The following NSMAF variants were observed in gnomAD, a reference collection of about 807,000 sequenced individuals.
NSMAF encodes the protein neutral sphingomyelinase activation associated factor, also known as protein FAN.
Under a neutral mutation model 134.9 loss-of-function variants are expected in NSMAF, and 90 were observed. That is an observed-to-expected ratio of 0.67 (90% CI 0.56 to 0.79). The LOEUF (loss-of-function observed/expected upper bound fraction) is 0.79, where lower values mean the gene tolerates loss of function less well. Among genes scored for constraint, NSMAF ranks in the 30% least tolerant of loss-of-function variants. The pLI is 0.00. For missense variants in NSMAF, 1,010 were observed against 1,119.0 expected (o/e 0.90, Z 1.39); for synonymous variants, 358 against 389.6 (o/e 0.92, Z 0.96).
In NSMAF at chr8:58,635,450, T is replaced by C. The variant is rs1282039094; in HGVS notation, c.228+18A>G. 4 of 1,581,914 alleles carry C rather than the reference T, an allele frequency of 2.5e-6. No individual in the cohort carries two copies. Among genetic ancestry groups the C allele is most frequent in the Non-Finnish European group, 3.4e-6 (4 of 1,161,980 alleles). On this transcript the variant is annotated intron_variant, in intron 3 of 30. Transcript: ENST00000038176. ...CAAAAAATAGGAATGTTTCTGTTCATATTTAAAATGTATTTACCTTGATGA... is the reference window on the plus strand; with the variant it reads ...CAAAAAATAGGAATGTTTCTGTTCACATTTAAAATGTATTTACCTTGATGA...
chr8:58,591,345 C>T (rs542695934), intron 23 of NSMAF, among the ~76,000 whole-genome samples: 1 of 151,998 alleles, frequency 6.6e-6, no homozygotes, highest in African/African-American at 2.4e-5. Flanking sequence ...AAAAAAACTG[C>T]CCAATTATAT....
chr8:58,653,568 C>T (rs1807634862), intron 1 of NSMAF, among the ~76,000 whole-genome samples: 1 of 151,292 alleles, frequency 6.6e-6, no homozygotes, highest in African/African-American at 2.4e-5. Flanking sequence ...AAAAAAATTA[C>T]TAGAAGTAAA....
chr8:58,595,683 T>C (rs1003030406), intron 21 of NSMAF, 24 bp from the exon 22 acceptor site: 10 of 1,518,632 alleles, frequency 6.6e-6, no homozygotes, highest in African/African-American at 1.4e-5. Context: ...ATTAAATTTT[T>C]GCTAAGTCAA....
chr8:58,585,770 A>G lies in NSMAF; in HGVS notation c.2550-9T>C. ...CATCCCAGACAAAGCACCTGCAAGA[A>G]TGATTTAGAAATAGTCCTTTCTTCA... On this transcript the variant is annotated splice_polypyrimidine_tract_variant and intron_variant, in intron 29 of 30. Transcript: ENST00000038176. The G allele has an allele frequency of 6.2e-7, 1 of 1,612,590 alleles. No individual in the cohort carries two copies.
intron 12 of NSMAF, among the ~76,000 whole-genome samples, chr8:58,604,832 C>T (rs969627285): frequency 2.6e-5 from 4 of 152,088 alleles, no homozygotes; most frequent in African/African-American, 7.2e-5. Context: ...CAGCCTTGAC[C>T]TCCCAGGCTC....
Position 58,595,670 on chromosome 8 carries a change from G to A in NSMAF, c.1793-11C>T, listed in dbSNP as rs777900609. On this transcript the variant is annotated splice_polypyrimidine_tract_variant and intron_variant, in intron 21 of 30. Transcript: ENST00000038176. The stretch of plus-strand genomic sequence containing the variant: ...CAAAAGACTCTTCACCTGGAGAGAC[G>A]ACATTAAATTTTTGCTAAGTCAACT... 24 of 1,584,126 alleles carry A rather than the reference G, an allele frequency of 1.5e-5. No homozygotes were observed. The highest frequency in any genetic ancestry group is 1.8e-5 in the Non-Finnish European group (21 of 1,156,386).
At position 58,659,784 on chromosome 8, in the gene NSMAF, C is replaced by G. The variant is rs949596549; in HGVS notation, c.-153G>C. On this transcript the variant is annotated 5_prime_UTR_variant, in exon 1 of 31. Transcript: ENST00000038176. ...TTCCCCTGCGGCGCCGCTGGGCGGC[C>G]GAGAGCCCGACGCGGCGTCCCGGCC... The G allele has an allele frequency of 8.1e-5, 35 of 430,914 alleles. No homozygotes were observed. The South Asian group carries it at 8.1e-4, about 10-fold the overall frequency. 26.7% of individuals were successfully genotyped at this position (430,914 alleles called of 1,614,324 possible). A position where few individuals can be genotyped will look rare whatever the true frequency, so the allele number is the denominator to read the frequency against.
At chr8:58,633,169 T>G (rs1055307257) in intron 5 of NSMAF, among the ~76,000 whole-genome samples, 2 of 152,210 alleles carry the variant, frequency 1.3e-5, no homozygotes, top group African/African-American at 4.8e-5. Context: ...TCTAAGTCCT[T>G]ACCTTGGCCC....
At chr8:58,590,220 G>C (rs1805991743) in intron 24 of NSMAF, 146 bp from the exon 25 acceptor site, 1 of 694,236 alleles carries the variant, frequency 1.4e-6, no homozygotes, top group Non-Finnish European at 2.5e-6. Flanking sequence ...TTTCTCAACT[G>C]GCTAATTCCA....
chr8:58,639,094 C>T (rs1354753704), intron 2 of NSMAF, among the ~76,000 whole-genome samples: 1 of 151,996 alleles, frequency 6.6e-6, no homozygotes, highest in Non-Finnish European at 1.5e-5. Flanking sequence ...ACCATCCTGG[C>T]TAACACGGTG....
In NSMAF at chr8:58,602,227, A is replaced by C. The variant is rs375185318; in HGVS notation, c.1046-90T>G. On this transcript the variant is annotated intron_variant, in intron 13 of 30. Coordinates refer to ENST00000038176, the MANE Select transcript of NSMAF (RefSeq NM_003580.4). ...TCAAATATACACATTTACTTCCACAAAAGTTTTTTTAAAAATTGAGAGCAA... is the reference window on the plus strand; with the variant it reads ...TCAAATATACACATTTACTTCCACACAAGTTTTTTTAAAAATTGAGAGCAA... 1.6e-4 allele frequency: 167 copies of C among 1,029,780 alleles called. 3 individuals are homozygous for C. The South Asian group carries it at 2.6e-3, about 16-fold the overall frequency. 63.8% of individuals were successfully genotyped at this position (1,029,780 alleles called of 1,614,324 possible).
At chr8:58,588,803 T>G (rs1478728895) in intron 26 of NSMAF, 4 of 902,164 alleles carry the variant, frequency 4.4e-6, no homozygotes, top group Non-Finnish European at 7.4e-6. Flanking sequence ...CTTGACATTT[T>G]CTAATTAACT....
rs766669527 is a variant in NSMAF, at chr8:58,635,223, G to C, written c.299C>G (p.Ala100Gly). 5.0e-6 allele frequency: 8 copies of C among 1,611,242 alleles called. No individual in the cohort carries two copies. The highest frequency in any genetic ancestry group is 5.9e-6 in the Non-Finnish European group (7 of 1,178,020). Residue 100 changes from alanine (A) to glycine (G), a missense_variant and splice_region_variant, in exon 5 of 31, where the codon GCA becomes GGA. Coordinates refer to ENST00000038176, the MANE Select transcript of NSMAF (RefSeq NM_003580.4). ...AATGAGTGAAATACCCCCAGATTTTGCCCTAAAATACAGATAAAAGTCATT... is the reference window on the plus strand; with the variant it reads ...AATGAGTGAAATACCCCCAGATTTTCCCCTAAAATACAGATAAAAGTCATT... ...ENGANRHFTK[A>G]KSGGISLIFS...
chr8:58,587,656 G>A lies in NSMAF; in HGVS notation c.2257C>T (p.His753Tyr). 6.2e-7 allele frequency: 1 copy of A among 1,614,096 alleles called. No homozygotes were observed. Among genetic ancestry groups the A allele is most frequent in the Non-Finnish European group, 8.5e-7 (1 of 1,179,998 alleles). Residue 753 changes from histidine (H) to tyrosine (Y), a missense_variant, in exon 27 of 31, where the codon CAC (histidine) becomes TAC (tyrosine). His to Tyr is a moderately conservative substitution (Grantham distance 83). Coordinates refer to ENST00000038176, the MANE Select transcript of NSMAF (RefSeq NM_003580.4). ...PAEMPGTKRH[H>Y]FDLLAELEHD... ...TCCAGCTCGGCCAGCAAGTCAAAGT[G>A]GTGTCTTTTGGTGCCTGGCATCTCT...
At chr8:58,611,519 G>A (rs1333896513) in intron 9 of NSMAF, among the ~76,000 whole-genome samples, 1 of 152,088 alleles carries the variant, frequency 6.6e-6, no homozygotes, top group African/African-American at 2.4e-5. Flanking sequence ...GGTGCAGTGG[G>A]TCAACAAGAA....
At chr8:58,642,661 A>T (rs1329062239) in intron 2 of NSMAF, among the ~76,000 whole-genome samples, 1 of 152,222 alleles carries the variant, frequency 6.6e-6, no homozygotes, top group Non-Finnish European at 1.5e-5. Context: ...CTACAACCCC[A>T]GAATTGGAAC....
At chr8:58,641,516 A>C (rs1807336134) in intron 2 of NSMAF, among the ~76,000 whole-genome samples, 1 of 152,204 alleles carries the variant, frequency 6.6e-6, no homozygotes. Context: ...CTTATGACAC[A>C]CAGTATCCTG....
At chr8:58,647,440 G>C (rs57773582) in intron 1 of NSMAF, among the ~76,000 whole-genome samples, 9,205 of 152,200 alleles carry the variant, frequency 0.06, 691 homozygotes, top group African/African-American at 0.18. Flanking sequence ...TAATACACTG[G>C]ACAGTGATAT....
At chr8:58,593,023 T>C (rs1806053798) in intron 23 of NSMAF, among the ~76,000 whole-genome samples, 1 of 152,210 alleles carries the variant, frequency 6.6e-6, no homozygotes. Context: ...AAATTCATGG[T>C]TAACAAGGTC....
Sources: allele counts gnomAD v4.1 joint callset (sites outside exome capture counted in the v4.1 genomes callset), GRCh38; gene constraint gnomAD v4.1.1; transcripts MANE v1.5; gene names NCBI Gene and HGNC (gene_info 2026-07-23, HGNC 2026-07-21).